ENPP3: variants seen among roughly 807,000 people sequenced by gnomAD.
The protein encoded by ENPP3 is ectonucleotide pyrophosphatase/phosphodiesterase 3, also known as ectonucleotide pyrophosphatase/phosphodiesterase family member 3.
In ENPP3, 104 loss-of-function variants were observed where a neutral mutation model predicts 117.8. The ratio of observed to expected loss-of-function variants is 0.88; its 90% CI spans 0.75 to 1.04. ENPP3 has a LOEUF of 1.04. Ranked by LOEUF, ENPP3 falls within the 50% of genes least tolerant of loss-of-function variation. The pLI is 0.00. For missense variants in ENPP3, 1,026 were observed against 1,051.9 expected (o/e 0.98, Z 0.34); for synonymous variants, 380 against 349.9 (o/e 1.09, Z -0.96).
intron 20 of ENPP3, among the ~76,000 whole-genome samples, chr6:131,729,678 C>A (rs1211829060): frequency 6.6e-6 from 1 of 151,990 alleles, no homozygotes; most frequent in Non-Finnish European, 1.5e-5. Context: ...TCACTAAAGC[C>A]TTTTTTATTA....
intron 6 of ENPP3, among the ~76,000 whole-genome samples, chr6:131,670,779 T>A (rs1194306335): frequency 1.3e-5 from 2 of 152,168 alleles, no homozygotes; most frequent in Non-Finnish European, 2.9e-5. Context: ...GGTGTGAGCC[T>A]CTGGGCCTAG....
chr6:131,674,884 A>AT (rs1356987908), intron 8 of ENPP3, among the ~76,000 whole-genome samples, 196 bp from the exon 9 acceptor site: 1 of 152,022 alleles, frequency 6.6e-6, no homozygotes, highest in Non-Finnish European at 1.5e-5. Context: ...GAACCATCCA[A>AT]TTTTACCAGT....
intron 5 of ENPP3, among the ~76,000 whole-genome samples, chr6:131,654,116 T>C (rs980985182): frequency 1.7e-4 from 17 of 102,742 alleles, no homozygotes; most frequent in African/African-American, 4.4e-4. Context: ...AGTTTTATTA[T>C]TATTATTATT....
intron 8 of ENPP3, among the ~76,000 whole-genome samples, 196 bp from the exon 9 acceptor site, chr6:131,674,884 A>G (rs1778832238): frequency 6.6e-6 from 1 of 152,022 alleles, no homozygotes; most frequent in Non-Finnish European, 1.5e-5. Context: ...GAACCATCCA[A>G]TTTTACCAGT....
intron 6 of ENPP3, among the ~76,000 whole-genome samples, chr6:131,661,210 A>C (rs541565326): frequency 2.6e-4 from 40 of 152,232 alleles, no homozygotes; most frequent in South Asian, 6.2e-4. Context: ...TATCTCTTTG[A>C]GATCCTGATT....
chr6:131,693,458 A>G lies in ENPP3; in HGVS notation c.1285-39A>G. 4 of 1,553,286 alleles carry G rather than the reference A, an allele frequency of 2.6e-6. No individual in the cohort carries two copies. The South Asian group carries it at 3.5e-5, about 14-fold the overall frequency. On this transcript the variant is annotated intron_variant, in intron 14 of 24. Transcript: ENST00000357639. Reference sequence around the variant, plus strand: ...ATGAACTTTTAAAATTAATTTGCATATCTTATGTATCATAAAGAAATATTT... The same window carrying G: ...ATGAACTTTTAAAATTAATTTGCATGTCTTATGTATCATAAAGAAATATTT...
chr6:131,686,815 C>T (rs1469476381), intron 14 of ENPP3, among the ~76,000 whole-genome samples: 1 of 152,210 alleles, frequency 6.6e-6, no homozygotes, highest in East Asian at 1.9e-4. Flanking sequence ...CCTCCAGCTC[C>T]ATTCATGGTG....
intron 2 of ENPP3, chr6:131,642,702 C>G (rs550647331): frequency 1.3e-5 from 2 of 152,300 alleles, no homozygotes; most frequent in South Asian, 4.2e-4. Flanking sequence ...CCCCCAGGTA[C>G]CTGGTATACA....
chr6:131,740,464 AC>A (rs1156916878), intron 24 of ENPP3, 84 bp downstream of exon 24: 11 of 1,118,942 alleles, frequency 9.8e-6, no homozygotes, highest in Middle Eastern at 4.2e-4. Flanking sequence ...TCTGACTAAA[AC>A]ATTTTTTTTA....
chr6:131,652,891 G>A lies in ENPP3; in HGVS notation c.464G>A (p.Gly155Glu). Residue 155 changes from glycine (G) to glutamate (E), a missense_variant and splice_region_variant, in exon 5 of 25, where the codon GGG becomes GAG. Transcript: ENST00000357639. ...GCCCAGCAGTCTCAGTGCCCAGAAGGGTGAGCATGACTGATACAGGGATTT... is the reference window on the plus strand; with the variant it reads ...GCCCAGCAGTCTCAGTGCCCAGAAGAGTGAGCATGACTGATACAGGGATTT... ...DTAQQSQCPE[G>E]FDLPPVILFS... is the part of the protein sequence containing the mutation. 2 of 1,606,812 alleles carry A rather than the reference G, an allele frequency of 1.2e-6. No individual in the cohort carries two copies.
chr6:131,657,274 A>G (rs925771316), intron 5 of ENPP3, among the ~76,000 whole-genome samples: 1 of 152,164 alleles, frequency 6.6e-6, no homozygotes, highest in Non-Finnish European at 1.5e-5. Flanking sequence ...TCACTAAGCT[A>G]TGTAACTTAC....
At chr6:131,637,539 C>T (rs1480756954) in intron 1 of ENPP3, 77 bp downstream of exon 1, 1 of 769,956 alleles carries the variant, frequency 1.3e-6, no homozygotes, top group Non-Finnish European at 2.1e-6. Flanking sequence ...ATTTACATTT[C>T]TTTGTGTTGC....
intron 20 of ENPP3, among the ~76,000 whole-genome samples, chr6:131,731,638 C>T (rs890722266): frequency 2.0e-5 from 3 of 152,094 alleles, no homozygotes; most frequent in Admixed American, 2.0e-4. Flanking sequence ...TTCAATCTAT[C>T]CTCTATTTCC....
intron 3 of ENPP3, 120 bp downstream of exon 3, chr6:131,650,269 G>A: frequency 9.5e-7 from 1 of 1,048,870 alleles, no homozygotes; most frequent in East Asian, 2.5e-5. Context: ...GCCTAGGCTG[G>A]AGTGCAGTGG....
intron 7 of ENPP3, among the ~76,000 whole-genome samples, chr6:131,672,462 C>A (rs1778765139): frequency 6.6e-6 from 1 of 151,934 alleles, no homozygotes; most frequent in South Asian, 2.1e-4. Flanking sequence ...AGTGAACCAA[C>A]AATATACATA....
rs1215949902 is a variant in ENPP3 at position 131,678,921 on chromosome 6, CTTTCTTTCTTTCTTTCTTTCTT to C, written c.1011+983_1011+1004del. 7.0e-3 allele frequency among the ~76,000 whole-genome samples: 488 copies of C among 69,436 alleles called. 13 individuals are homozygous for C. The highest frequency in any genetic ancestry group is 0.042 in the African/African-American group (465 of 10,962). 45.6% of individuals were successfully genotyped at this position (69,436 alleles called of 152,430 possible). A position where few individuals can be genotyped will look rare whatever the true frequency, so the allele number is the denominator to read the frequency against. On this transcript the variant is annotated intron_variant, in intron 11 of 24. Coordinates refer to ENST00000357639, the MANE Select transcript of ENPP3 (RefSeq NM_005021.5). Reference sequence around the variant, plus strand: ...TCTTTCTTTCTCTCTTTCTTTCTTTCTTTCTTTCTTTCTTTCTTTCTTTCTTTCTTTCTTTCTTTCCTTCCTT... The same window carrying C: ...TCTTTCTTTCTCTCTTTCTTTCTTTCTCTTTCTTTCTTTCTTTCCTTCCTT...
rs750619541 is a variant in ENPP3, at chr6:131,652,544, C to T, written c.280C>T (p.Arg94Ter). 144 of 1,613,708 alleles carry T rather than the reference C, an allele frequency of 8.9e-5. 2 individuals are homozygous for T. The South Asian group carries it at 1.2e-3, about 13-fold the overall frequency. The change falls in exon 4 of 25, where the codon CGA becomes TGA. Residue 94 changes from arginine to a stop codon, truncating the protein, a stop_gained and splice_region_variant. Transcript: ENST00000357639. LOFTEE classifies it high-confidence loss of function. Reference sequence around the variant, plus strand: ...AACTGAATTGTATCGTTTTACAGCTCGAATATGGATGTGCAATAAATTTCG... The same window carrying T: ...AACTGAATTGTATCGTTTTACAGCTTGAATATGGATGTGCAATAAATTTCG... ...DFEDTCVEST[R>*]IWMCNKFRCG... is the part of the protein sequence containing the mutation.
chr6:131,673,998 G>A (rs1473126438), intron 7 of ENPP3, among the ~76,000 whole-genome samples, 164 bp from the exon 8 acceptor site: 2 of 152,020 alleles, frequency 1.3e-5, no homozygotes, highest in East Asian at 3.9e-4. Context: ...GAAAGCCAAG[G>A]GATGACAATA....
chr6:131,740,985 A>G (rs889771198), intron 24 of ENPP3, among the ~76,000 whole-genome samples: 2 of 152,134 alleles, frequency 1.3e-5, no homozygotes, highest in Non-Finnish European at 2.9e-5. Flanking sequence ...ATGAGTATAT[A>G]CATGTAAAAA....
Sources: gnomAD v4.1 joint callset for allele counts (sites outside exome capture counted in the v4.1 genomes callset) on GRCh38, gnomAD v4.1.1 for gene constraint, MANE v1.5 for transcripts, NCBI Gene and HGNC (gene_info 2026-07-23, HGNC 2026-07-21) for gene names.